RABGAP1L: variants seen among roughly 807,000 people sequenced by gnomAD.
The protein encoded by RABGAP1L is RAB GTPase activating protein 1 like.
A neutral mutation model predicts 137.7 loss-of-function variants in RABGAP1L; 63 were observed. The ratio of observed to expected loss-of-function variants is 0.46; its 90% CI spans 0.37 to 0.56. RABGAP1L has a LOEUF of 0.56. RABGAP1L is among the 20% of genes least tolerant of loss of function. The pLI, the probability that RABGAP1L is intolerant of heterozygous loss-of-function variation, is 0.00. For synonymous variants in RABGAP1L, 431 were observed against 433.7 expected, an observed-to-expected ratio of 0.99 and a Z score of 0.08; for missense variants, 1,095 against 1,244.0, an observed-to-expected ratio of 0.88 and a Z score of 1.80.
intron 13 of RABGAP1L, among the ~76,000 whole-genome samples, chr1:174,399,128 T>C (rs1214469284): frequency 2.6e-5 from 4 of 152,198 alleles, no homozygotes; most frequent in African/African-American, 9.6e-5. Flanking sequence ...TAAGACTTCT[T>C]TGACATAAAG....
chr1:174,965,463 C>G (rs1357525021), intron 20 of RABGAP1L, among the ~76,000 whole-genome samples: 1 of 152,186 alleles, frequency 6.6e-6, no homozygotes, highest in Non-Finnish European at 1.5e-5. Flanking sequence ...ACCAAACTCT[C>G]TTCTCCATTC....
At chr1:174,469,134 A>G (rs1485219751) in intron 13 of RABGAP1L, among the ~76,000 whole-genome samples, 1 of 152,150 alleles carries the variant, frequency 6.6e-6, no homozygotes, top group African/African-American at 2.4e-5. Context: ...TGCAGCTGTT[A>G]CTGTATTTTG....
chr1:174,275,564 G>A (rs1219253934), intron 8 of RABGAP1L, among the ~76,000 whole-genome samples: 3 of 152,014 alleles, frequency 2.0e-5, no homozygotes, highest in Non-Finnish European at 4.4e-5. Flanking sequence ...ACAATATTAT[G>A]TTTTTTTGAT....
At chr1:174,165,960 G>A (rs867332575) in intron 1 of RABGAP1L, among the ~76,000 whole-genome samples, 9 of 152,192 alleles carry the variant, frequency 5.9e-5, no homozygotes, top group African/African-American at 1.4e-4. Flanking sequence ...GAAAGAGTCC[G>A]TTAGCACCAG....
chr1:174,988,391 C>G (rs1213900001), intron 24 of RABGAP1L, among the ~76,000 whole-genome samples: 1 of 152,040 alleles, frequency 6.6e-6, no homozygotes, highest in African/African-American at 2.4e-5. Flanking sequence ...GAACAGATTT[C>G]AAAGAGATGC....
intron 13 of RABGAP1L, among the ~76,000 whole-genome samples, chr1:174,455,473 T>C (rs193243139): frequency 1.0e-3 from 157 of 152,250 alleles, no homozygotes; most frequent in African/African-American, 3.4e-3. Flanking sequence ...GTTCTTTAAA[T>C]TTTTAAATTT....
At chr1:174,407,677 A>G (rs1649433536) in intron 13 of RABGAP1L, among the ~76,000 whole-genome samples, 2 of 152,132 alleles carry the variant, frequency 1.3e-5, no homozygotes, top group South Asian at 4.1e-4. Flanking sequence ...ATCTCAAAGT[A>G]GTGGACATCC....
chr1:174,366,778 GAAA>G (rs71117562), intron 11 of RABGAP1L, among the ~76,000 whole-genome samples: 260 of 94,774 alleles, frequency 2.7e-3, no homozygotes, highest in Admixed American at 6.2e-3. Context: ...CCGTCTCCAG[GAAA>G]AAAAAAAAAA....
At chr1:174,770,451 G>A (rs1226534598) in intron 18 of RABGAP1L, among the ~76,000 whole-genome samples, 1 of 152,092 alleles carries the variant, frequency 6.6e-6, no homozygotes, top group African/African-American at 2.4e-5. Context: ...TAAATTTGTT[G>A]AAGCAATTTC....
chr1:174,347,882 G>A (rs1315768245), intron 11 of RABGAP1L, among the ~76,000 whole-genome samples: 1 of 151,970 alleles, frequency 6.6e-6, no homozygotes, highest in Non-Finnish European at 1.5e-5. Context: ...TTTATTTTCA[G>A]TCTGTTTTGT....
chr1:174,966,282 C>T (rs962743563), intron 20 of RABGAP1L, among the ~76,000 whole-genome samples: 7 of 152,160 alleles, frequency 4.6e-5, no homozygotes, highest in Non-Finnish European at 8.8e-5. Flanking sequence ...CAATAGGATA[C>T]TTAACTCAGG....
At chr1:174,636,326 G>A (rs1037915046) in intron 13 of RABGAP1L, among the ~76,000 whole-genome samples, 9 of 151,966 alleles carry the variant, frequency 5.9e-5, no homozygotes, top group East Asian at 3.9e-4. Context: ...AGACCAGCCT[G>A]TTCCAACACA....
At chr1:174,358,358 C>G (rs985597507) in intron 11 of RABGAP1L, among the ~76,000 whole-genome samples, 3 of 152,206 alleles carry the variant, frequency 2.0e-5, no homozygotes, top group African/African-American at 7.2e-5. Context: ...TGAGTCGTTG[C>G]TACAACTGAG....
chr1:174,274,383 G>T (rs1038776533), intron 8 of RABGAP1L, among the ~76,000 whole-genome samples: 9 of 152,074 alleles, frequency 5.9e-5, no homozygotes, highest in Admixed American at 4.6e-4. Context: ...TATTTTTACT[G>T]TACCTTTTCT....
chr1:174,972,853 C>CAA (rs373159573), intron 21 of RABGAP1L, among the ~76,000 whole-genome samples: 19,016 of 52,714 alleles, frequency 0.36, 5,536 homozygotes, highest in South Asian at 0.42. Flanking sequence ...GACTCTGTCT[C>CAA]AAAAAAAAAA....
chr1:174,703,552 A>C (rs898981520), intron 17 of RABGAP1L, among the ~76,000 whole-genome samples: 1 of 152,148 alleles, frequency 6.6e-6, no homozygotes, highest in Non-Finnish European at 1.5e-5. Context: ...TAAGCATATA[A>C]GTGCACGAAT....
At chr1:174,683,426 C>G in intron 14 of RABGAP1L, 96 bp from the exon 15 acceptor site, 3 of 934,924 alleles carry the variant, frequency 3.2e-6, no homozygotes, top group Admixed American at 4.3e-5. Flanking sequence ...GTTGACAGCC[C>G]AGGGACAGGA....
At chr1:174,348,196 T>G (rs1029692652) in intron 11 of RABGAP1L, among the ~76,000 whole-genome samples, 1 of 151,472 alleles carries the variant, frequency 6.6e-6, no homozygotes, top group African/African-American at 2.4e-5. Flanking sequence ...ACCCTGAAGC[T>G]TGTAAATAAT....
chr1:174,269,036 C>T (rs1674324071), intron 7 of RABGAP1L, among the ~76,000 whole-genome samples: 1 of 152,060 alleles, frequency 6.6e-6, no homozygotes, highest in Non-Finnish European at 1.5e-5. Flanking sequence ...TCTGCCTCCC[C>T]GGTTCACGCC....
Sources: allele counts gnomAD v4.1 joint callset (sites outside exome capture counted in the v4.1 genomes callset), GRCh38; gene constraint gnomAD v4.1.1; transcripts MANE v1.5; gene names NCBI Gene and HGNC (gene_info 2026-07-23, HGNC 2026-07-21).